Variants in PSD3 observed in about 807,000 individuals in gnomAD.
The protein encoded by PSD3 is PH and SEC7 domain-containing protein 3.
PSD3 carries 49 observed loss-of-function variants against 105.5 expected under a neutral mutation model. The ratio of observed to expected loss-of-function variants is 0.46; its 90% CI spans 0.37 to 0.59. PSD3 has a LOEUF of 0.59. PSD3 is among the 20% of genes least tolerant of loss of function. The pLI is 0.00. For missense variants in PSD3, 1,561 were observed against 1,263.8 expected (o/e 1.24, Z -3.57); for synonymous variants, 557 against 457.8 (o/e 1.22, Z -2.77).
chr8:19,039,806 G>A (rs1041580028), intron 1 of PSD3, among the ~76,000 whole-genome samples: 5 of 152,124 alleles, frequency 3.3e-5, no homozygotes, highest in Non-Finnish European at 7.4e-5. Context: ...CAACAACACT[G>A]GGAAATAGTG....
chr8:18,849,121 A>C (rs1815360242), intron 4 of PSD3: 1 of 152,232 alleles, frequency 6.6e-6, no homozygotes, highest in African/African-American at 2.4e-5. Flanking sequence ...CTGGCAACTA[A>C]ATAGGTATTC....
chr8:18,548,082 G>A (rs1014574610), intron 15 of PSD3, among the ~76,000 whole-genome samples: 6 of 152,074 alleles, frequency 3.9e-5, no homozygotes, highest in Non-Finnish European at 8.8e-5. Context: ...GCATAAGAAA[G>A]TCTGCTGTTG....
chr8:18,604,900 C>G (rs906891747), intron 11 of PSD3, among the ~76,000 whole-genome samples: 3 of 152,190 alleles, frequency 2.0e-5, no homozygotes, highest in African/African-American at 7.2e-5. Context: ...ACAAAGAGGA[C>G]AAGAACTGAG....
At chr8:18,607,428 A>T (rs529080225) in intron 11 of PSD3, among the ~76,000 whole-genome samples, 12 of 152,214 alleles carry the variant, frequency 7.9e-5, no homozygotes, top group Admixed American at 4.6e-4. Context: ...CACGGTTATA[A>T]CCTCCATCTC....
At chr8:18,864,975 A>C (rs1816713763) in intron 4 of PSD3, 1 of 151,942 alleles carries the variant, frequency 6.6e-6, no homozygotes. Flanking sequence ...GACAACAACA[A>C]CAAGCAGCTC....
At chr8:19,082,535 C>A (rs1434799700) in intron 1 of PSD3, among the ~76,000 whole-genome samples, 1 of 152,170 alleles carries the variant, frequency 6.6e-6, no homozygotes, top group Non-Finnish European at 1.5e-5. Flanking sequence ...AATCCTCCAA[C>A]CTTTAACTTA....
At chr8:18,766,388 T>C (rs1396728277) in intron 8 of PSD3, among the ~76,000 whole-genome samples, 6 of 152,172 alleles carry the variant, frequency 3.9e-5, no homozygotes, top group Non-Finnish European at 7.3e-5. Context: ...ACAATTTTAC[T>C]GCACTAAAAA....
At chr8:18,616,623 C>CCTTTTTTTTTTT (rs1805692125) in intron 11 of PSD3, among the ~76,000 whole-genome samples, 2 of 98,550 alleles carry the variant, frequency 2.0e-5, no homozygotes, top group African/African-American at 7.3e-5. Context: ...CCTCTCTTTT[C>CCTTTTTTTTTTT]TTTTCTTTTT....
At chr8:18,782,548 G>T (rs528157587) in intron 8 of PSD3, among the ~76,000 whole-genome samples, 1 of 152,162 alleles carries the variant, frequency 6.6e-6, no homozygotes. Flanking sequence ...CAGTTCTTAG[G>T]CAACAGTGAT....
chr8:18,855,522 A>G (rs764388137), intron 4 of PSD3, among the ~76,000 whole-genome samples: 2 of 152,236 alleles, frequency 1.3e-5, no homozygotes, highest in African/African-American at 2.4e-5. Flanking sequence ...TGAATTTCAA[A>G]TACTGAGGAA....
chr8:18,808,234 A>G (rs1232606631), intron 4 of PSD3, among the ~76,000 whole-genome samples: 3 of 152,218 alleles, frequency 2.0e-5, no homozygotes, highest in Admixed American at 1.3e-4. Flanking sequence ...TTTTCCTATC[A>G]TGTAGTAAAA....
chr8:18,762,407 T>C (rs59340787), intron 9 of PSD3, among the ~76,000 whole-genome samples: 7,745 of 152,252 alleles, frequency 0.051, 446 homozygotes, highest in East Asian at 0.2. Context: ...AGAACCATGA[T>C]CAAAATAAAC....
At chr8:19,007,561 A>G (rs1369706483) in intron 1 of PSD3, among the ~76,000 whole-genome samples, 1 of 152,032 alleles carries the variant, frequency 6.6e-6, no homozygotes, top group Non-Finnish European at 1.5e-5. Flanking sequence ...TCGATTCTAT[A>G]AAGTTCACAA....
At chr8:18,544,930 G>T (rs1163364961) in intron 15 of PSD3, among the ~76,000 whole-genome samples, 2 of 152,090 alleles carry the variant, frequency 1.3e-5, no homozygotes, top group African/African-American at 4.8e-5. Flanking sequence ...CCACCTCCAG[G>T]CCCTGCTATT....
chr8:19,055,291 T>C (rs1016193911), intron 1 of PSD3, among the ~76,000 whole-genome samples: 1 of 152,206 alleles, frequency 6.6e-6, no homozygotes, highest in Non-Finnish European at 1.5e-5. Flanking sequence ...TTTGCTCTTT[T>C]TGCCCAGGCT....
chr8:18,841,310 C>G (rs1345556217), intron 4 of PSD3, among the ~76,000 whole-genome samples: 1 of 152,136 alleles, frequency 6.6e-6, no homozygotes. Flanking sequence ...CGAGGGCAGC[C>G]CACTAAAACA....
intron 4 of PSD3, among the ~76,000 whole-genome samples, chr8:18,857,580 G>A (rs1310653117): frequency 6.6e-6 from 1 of 152,188 alleles, no homozygotes; most frequent in Non-Finnish European, 1.5e-5. Context: ...TGATTCTAAT[G>A]AGCAATCAAG....
chr8:19,009,269 AAG>A (rs143620268), intron 1 of PSD3, among the ~76,000 whole-genome samples: 14,010 of 152,252 alleles, frequency 0.092, 692 homozygotes, highest in African/African-American at 0.12. Flanking sequence ...TTCAGATTCC[AAG>A]ACTCGAATAA....
chr8:18,822,718 T>C (rs1812843174), intron 4 of PSD3, among the ~76,000 whole-genome samples: 1 of 152,210 alleles, frequency 6.6e-6, no homozygotes, highest in Non-Finnish European at 1.5e-5. Context: ...CTTGCACTCA[T>C]GTTTTATGAC....
Sources: allele counts gnomAD v4.1 joint callset (sites outside exome capture counted in the v4.1 genomes callset), GRCh38; gene constraint gnomAD v4.1.1; transcripts MANE v1.5; gene names NCBI Gene and HGNC (gene_info 2026-07-23, HGNC 2026-07-21).